Variants in KNTC1 observed in about 807,000 individuals in gnomAD.
KNTC1 encodes kinetochore-associated protein 1.
In KNTC1, 253 loss-of-function variants were observed where a neutral mutation model predicts 314.4. The observed-to-expected ratio is 0.80, with a 90% CI of 0.73 to 0.89. The LOEUF (loss-of-function observed/expected upper bound fraction) is 0.89, where lower values mean the gene tolerates loss of function less well. Among genes scored for constraint, KNTC1 ranks in the 40% least tolerant of loss-of-function variants. The pLI, the probability that KNTC1 is intolerant of heterozygous loss-of-function variation, is 0.00. For synonymous variants in KNTC1, 901 were observed against 901.4 expected (o/e 1.00, Z 0.01); for missense variants, 2,475 against 2,572.9 (o/e 0.96, Z 0.82).
At chr12:122,576,791 G>T in intron 29 of KNTC1, 104 bp from the exon 30 acceptor site, 1 of 746,940 alleles carries the variant, frequency 1.3e-6, no homozygotes. Context: ...TTAGTTTTTT[G>T]CTGCATTATT....
rs1330996658 is a variant in KNTC1, at chr12:122,580,504, A to C, written c.2915-99A>C. 15 of 693,568 alleles carry C rather than the reference A, an allele frequency of 2.2e-5. 1 individual carries two copies. Among genetic ancestry groups the C allele is most frequent in the Admixed American group, 5.2e-5 (2 of 38,124 alleles). 43.0% of individuals were successfully genotyped at this position (693,568 alleles called of 1,614,324 possible). A position where few individuals can be genotyped will look rare whatever the true frequency, so the allele number is the denominator to read the frequency against. ...TTTGAGAAGAACTACTGAAGACTTG[A>C]GATGAGAGAACCAAAGCTAATTAAA... On this transcript the variant is annotated intron_variant, in intron 32 of 63. Transcript: ENST00000333479.
intron 18 of KNTC1, among the ~76,000 whole-genome samples, chr12:122,561,326 T>A (rs141504238): frequency 0.025 from 3,801 of 151,342 alleles, 115 homozygotes; most frequent in East Asian, 0.079. Context: ...AAAAAAAAAA[T>A]AATAATAATA....
At chr12:122,620,456 C>CT in intron 59 of KNTC1, 23 bp from the exon 60 acceptor site, 1 of 1,602,986 alleles carries the variant, frequency 6.2e-7, no homozygotes, top group Non-Finnish European at 8.5e-7. Flanking sequence ...AGATTATTAA[C>CT]TAATTAATGT....
intron 44 of KNTC1, among the ~76,000 whole-genome samples, chr12:122,600,788 C>CCCAAGTAGCTGGGA (rs954094685): frequency 6.6e-6 from 1 of 152,044 alleles, no homozygotes; most frequent in Non-Finnish European, 1.5e-5. Context: ...GCCTCCGCCT[C>CCCAAGTAGCTGGGA]CCAAGTAGCT....
At chr12:122,567,792 T>C (rs571460016) in intron 20 of KNTC1, among the ~76,000 whole-genome samples, 1 of 152,130 alleles carries the variant, frequency 6.6e-6, no homozygotes, top group East Asian at 1.9e-4. Flanking sequence ...GAGCCGAGAT[T>C]GTGCCACTTC....
intron 57 of KNTC1, among the ~76,000 whole-genome samples, 183 bp from the exon 58 acceptor site, chr12:122,618,160 C>T (rs966664674): frequency 6.6e-6 from 1 of 151,934 alleles, no homozygotes; most frequent in Non-Finnish European, 1.5e-5. Flanking sequence ...TTAGTAGAGA[C>T]GGGGTTTTGC....
At chr12:122,551,248 A>T in intron 13 of KNTC1, 71 bp from the exon 14 acceptor site, 1 of 979,684 alleles carries the variant, frequency 1.0e-6, no homozygotes, top group South Asian at 1.5e-5. Context: ...CTGAACCAGT[A>T]GTTACTCTAG....
At chr12:122,565,252 T>TA (rs35980710) in intron 20 of KNTC1, among the ~76,000 whole-genome samples, 37,401 of 131,284 alleles carry the variant, frequency 0.28, 6,201 homozygotes, top group Non-Finnish European at 0.37. Context: ...TTTTTTTTTT[T>TA]AAAAAAAAAA....
chr12:122,619,040 T>C (rs571169063), intron 59 of KNTC1, among the ~76,000 whole-genome samples: 2 of 146,836 alleles, frequency 1.4e-5, no homozygotes, highest in African/African-American at 5.0e-5. Flanking sequence ...TGTTTTTTGT[T>C]TTTTGTTTTT....
intron 2 of KNTC1, among the ~76,000 whole-genome samples, chr12:122,533,358 G>A (rs1283569129): frequency 6.6e-6 from 1 of 152,108 alleles, no homozygotes; most frequent in African/African-American, 2.4e-5. Context: ...CTTGTTGGCA[G>A]TGCCTTCATG....
At position 122,615,481 on chromosome 12, in the gene KNTC1, A is replaced by G; in HGVS notation, c.5985A>G (p.Leu1995=). Reference sequence around the variant, plus strand: ...TTAATTTTTTACAGATTCCTTATCTAAGGAAAGTTTTAAAAGCCATCTCCA... The same window carrying G: ...TTAATTTTTTACAGATTCCTTATCTGAGGAAAGTTTTAAAAGCCATCTCCA... The part of the protein sequence containing the change: ...KLLGFNMIPY[L]RKVLKAISSI... Residue 1995 remains leucine, a synonymous_variant, in exon 57 of 64, where the codon CTA becomes CTG. Transcript: ENST00000333479. 1 of 1,524,822 alleles carries G rather than the reference A, an allele frequency of 6.6e-7. No homozygotes were observed. Among genetic ancestry groups the G allele is most frequent in the South Asian group, 1.2e-5 (1 of 80,570 alleles). 94.5% of individuals were successfully genotyped at this position (1,524,822 alleles called of 1,614,324 possible). A position where few individuals can be genotyped will look rare whatever the true frequency, so the allele number is the denominator to read the frequency against.
intron 43 of KNTC1, among the ~76,000 whole-genome samples, chr12:122,595,412 G>A (rs1870901247): frequency 6.6e-6 from 1 of 152,204 alleles, no homozygotes; most frequent in South Asian, 2.1e-4. Context: ...CCTGCTCAAG[G>A]TCAAATTATT....
chr12:122,621,476 G>C (rs1288674610), intron 60 of KNTC1, among the ~76,000 whole-genome samples: 1 of 151,952 alleles, frequency 6.6e-6, no homozygotes, highest in African/African-American at 2.4e-5. Context: ...CTGACGTTAC[G>C]GGCTCCTGCC....
chr12:122,569,631 C>T lies in KNTC1; in HGVS notation c.1717-50C>T, dbSNP rs1322753966. ...AATATCTTTGTCAAACATTTGGAAG[C>T]CTTTGGTTTAAATTTGTCAGATCTT... On this transcript the variant is annotated intron_variant, in intron 21 of 63. Transcript: ENST00000333479. 5 of 1,513,564 alleles carry T rather than the reference C, an allele frequency of 3.3e-6. No homozygotes were observed. The East Asian group carries it at 1.1e-4, about 34-fold the overall frequency. The allele number at this position is 1,513,564 out of a possible 1,614,324, so 93.8% of individuals were successfully genotyped here. A position where few individuals can be genotyped will look rare whatever the true frequency, so the allele number is the denominator to read the frequency against.
At chr12:122,549,631 G>C (rs1963049326) in intron 12 of KNTC1, 135 bp from the exon 13 acceptor site, 6 of 591,682 alleles carry the variant, frequency 1.0e-5, no homozygotes, top group Admixed American at 8.5e-5. Flanking sequence ...CTCCCAAAGT[G>C]CTGGGATTAT....
At chr12:122,613,581 A>G (rs371587395) in intron 54 of KNTC1, 45 bp from the exon 55 acceptor site, 60 of 1,527,466 alleles carry the variant, frequency 3.9e-5, no homozygotes, top group Non-Finnish European at 5.0e-5. Context: ...TTAAATGTAA[A>G]TGTGGCCTAT....
At chr12:122,620,427 A>G in intron 59 of KNTC1, 52 bp from the exon 60 acceptor site, 1 of 1,560,442 alleles carries the variant, frequency 6.4e-7, no homozygotes, top group South Asian at 1.2e-5. Flanking sequence ...AAAGGCCAAT[A>G]TAATCTAGTG....
chr12:122,619,283 A>G (rs1394493677), intron 59 of KNTC1, among the ~76,000 whole-genome samples: 1 of 151,036 alleles, frequency 6.6e-6, no homozygotes, highest in Non-Finnish European at 1.5e-5. Context: ...GGCATGAGCC[A>G]TCCCGTGAGT....
At chr12:122,538,252 CT>C (rs1452909634) in intron 3 of KNTC1, 86 bp from the exon 4 acceptor site, 147 of 742,600 alleles carry the variant, frequency 2.0e-4, no homozygotes, top group Admixed American at 2.4e-4. Flanking sequence ...TAATCGTTGG[CT>C]TTTTAATGAG....
Sources: allele counts gnomAD v4.1 joint callset (sites outside exome capture counted in the v4.1 genomes callset), GRCh38; gene constraint gnomAD v4.1.1; transcripts MANE v1.5; gene names NCBI Gene and HGNC (gene_info 2026-07-23, HGNC 2026-07-21).